Variants in ALPL observed in about 807,000 individuals in gnomAD.
ALPL encodes the protein alkaline phosphatase, biomineralization associated, also known as alkaline phosphatase, tissue-nonspecific isozyme.
A neutral mutation model predicts 51.3 loss-of-function variants in ALPL; 42 were observed. That is an observed-to-expected ratio of 0.82 (90% CI 0.64 to 1.06). The LOEUF (loss-of-function observed/expected upper bound fraction) is 1.06, where lower values mean the gene tolerates loss of function less well. Ranked by LOEUF, ALPL falls within the 50% of genes least tolerant of loss-of-function variation. The pLI, the probability that ALPL is intolerant of heterozygous loss-of-function variation, is 0.00. For missense variants in ALPL, 589 were observed against 709.4 expected (o/e 0.83, Z 1.93); for synonymous variants, 279 against 296.4 (o/e 0.94, Z 0.60).
intron 1 of ALPL, among the ~76,000 whole-genome samples, chr1:21,528,454 TCTC>T (rs1643982492): frequency 1.3e-5 from 2 of 150,762 alleles, no homozygotes; most frequent in African/African-American, 4.9e-5. Context: ...TTCAAGCAAT[TCTC>T]CTGCCTCAGC....
intron 10 of ALPL, among the ~76,000 whole-genome samples, chr1:21,576,157 T>C (rs1002354173): frequency 1.3e-5 from 2 of 151,732 alleles, no homozygotes; most frequent in Non-Finnish European, 2.9e-5. Context: ...ACGTTGACCA[T>C]GGCTGGGCGA....
chr1:21,572,563 G>A (rs1192560026), intron 8 of ALPL, among the ~76,000 whole-genome samples: 1 of 152,200 alleles, frequency 6.6e-6, no homozygotes. Flanking sequence ...AGGGGGCAGG[G>A]GTTATTGGGC....
At chr1:21,519,415 C>T (rs560470295) in intron 1 of ALPL, among the ~76,000 whole-genome samples, 6 of 152,214 alleles carry the variant, frequency 3.9e-5, no homozygotes, top group African/African-American at 1.2e-4. Context: ...CGTCTTTGCC[C>T]GTGGAAAGTG....
At chr1:21,558,631 TG>T (rs1644444171) in intron 2 of ALPL, among the ~76,000 whole-genome samples, 1 of 152,194 alleles carries the variant, frequency 6.6e-6, no homozygotes, top group African/African-American at 2.4e-5. Context: ...CAGTGGGGAC[TG>T]CGTGGGGACA....
chr1:21,550,803 C>T (rs1382213743), intron 1 of ALPL, among the ~76,000 whole-genome samples: 2 of 152,176 alleles, frequency 1.3e-5, no homozygotes, highest in Non-Finnish European at 2.9e-5. Context: ...TTGGGTTTAG[C>T]TTCCTTTGCT....
At chr1:21,558,298 C>T (rs1268208072) in intron 2 of ALPL, among the ~76,000 whole-genome samples, 1 of 152,194 alleles carries the variant, frequency 6.6e-6, no homozygotes, top group Non-Finnish European at 1.5e-5. Flanking sequence ...AGCCCTGGGA[C>T]CTCCAAGCTG....
At chr1:21,525,131 C>G (rs1643925190) in intron 1 of ALPL, among the ~76,000 whole-genome samples, 1 of 152,250 alleles carries the variant, frequency 6.6e-6, no homozygotes, top group Admixed American at 6.5e-5. Context: ...AATCCCTGGG[C>G]TGGCCTGCCT....
intron 1 of ALPL, among the ~76,000 whole-genome samples, chr1:21,551,691 C>T (rs1463423882): frequency 1.4e-5 from 2 of 146,732 alleles, no homozygotes; most frequent in African/African-American, 5.0e-5. Flanking sequence ...AGAGCCGTCA[C>T]TTCTGGCACT....
chr1:21,519,101 C>T (rs76870025), intron 1 of ALPL, among the ~76,000 whole-genome samples: 5,245 of 152,308 alleles, frequency 0.034, 122 homozygotes, highest in Non-Finnish European at 0.036. Flanking sequence ...CCCAGCCTTG[C>T]TGAGGGAGAC....
rs141383802 is a variant in ALPL, at chr1:21,559,059, G to A, written c.62-1567G>A. 1.6e-3 allele frequency among the ~76,000 whole-genome samples: 246 copies of A among 152,254 alleles called. 1 individual carries two copies. The highest frequency in any genetic ancestry group is 5.7e-3 in the African/African-American group (237 of 41,554). Reference sequence around the variant, plus strand: ...GGAAGGAGGGCTGTTCTTTACCCACGGCCACTCCGAGAGCCAGGCACGCGT... The same window carrying A: ...GGAAGGAGGGCTGTTCTTTACCCACAGCCACTCCGAGAGCCAGGCACGCGT... On this transcript the variant is annotated intron_variant, in intron 2 of 11. Coordinates refer to ENST00000374840, the MANE Select transcript of ALPL (RefSeq NM_000478.6).
intron 1 of ALPL, among the ~76,000 whole-genome samples, chr1:21,511,119 C>T (rs777712410): frequency 6.6e-6 from 1 of 152,162 alleles, no homozygotes; most frequent in Non-Finnish European, 1.5e-5. Context: ...TTCTAGGTGC[C>T]GGGAATGCCA....
chr1:21,515,398 AC>A (rs2148055557), intron 1 of ALPL, among the ~76,000 whole-genome samples: 1 of 152,032 alleles, frequency 6.6e-6, no homozygotes, highest in South Asian at 2.1e-4. Context: ...CTACCAGGTG[AC>A]CCTTTTTTAG....
chr1:21,577,901 G>A lies in ALPL; in HGVS notation c.*253G>A. The A allele has an allele frequency of 1.7e-6, 1 of 596,416 alleles. No individual in the cohort carries two copies. The highest frequency in any genetic ancestry group is 2.8e-5 in the East Asian group (1 of 36,026). The allele number at this position is 596,416 out of a possible 1,614,324, so 36.9% of individuals were successfully genotyped here. A position where few individuals can be genotyped will look rare whatever the true frequency, so the allele number is the denominator to read the frequency against. ...GGCCAACAGGGTAGATTTCTCTTGGGCAGGCAGAGAGTACAGACTGCAGAC... is the reference window on the plus strand; with the variant it reads ...GGCCAACAGGGTAGATTTCTCTTGGACAGGCAGAGAGTACAGACTGCAGAC... On this transcript the variant is annotated 3_prime_UTR_variant, in exon 12 of 12. Transcript: ENST00000374840.
chr1:21,531,370 G>T (rs1644028687), intron 1 of ALPL, among the ~76,000 whole-genome samples: 1 of 152,210 alleles, frequency 6.6e-6, no homozygotes, highest in African/African-American at 2.4e-5. Context: ...TGGAATTATG[G>T]CCCAGCCCAT....
At position 21,554,067 on chromosome 1, in the gene ALPL, G is replaced by T. The variant is rs781172426; in HGVS notation, c.-15G>T. 1.9e-6 allele frequency: 3 copies of T among 1,612,362 alleles called. No individual in the cohort carries two copies. The highest frequency in any genetic ancestry group is 3.3e-5 in the Admixed American group (2 of 59,968). ...TCTCTGGGCTCCAGGGATAAAGCAG[G>T]TCTTGGGGTGCACCATGATTTCACC... On this transcript the variant is annotated 5_prime_UTR_variant, in exon 2 of 12. Transcript: ENST00000374840.
At chr1:21,576,476 C>T (rs1345436807) in intron 10 of ALPL, 46 bp from the exon 11 acceptor site, 1 of 1,607,656 alleles carries the variant, frequency 6.2e-7, no homozygotes, top group Non-Finnish European at 8.5e-7. Flanking sequence ...GGGGACTGTA[C>T]TCCTGGGGCC....
chr1:21,515,593 C>T (rs1232829526), intron 1 of ALPL, among the ~76,000 whole-genome samples: 2 of 152,094 alleles, frequency 1.3e-5, no homozygotes, highest in African/African-American at 4.8e-5. Flanking sequence ...TTTGCCATGT[C>T]GGCCAGGTTG....
chr1:21,555,488 C>G (rs1223522842), intron 2 of ALPL, among the ~76,000 whole-genome samples: 1 of 152,218 alleles, frequency 6.6e-6, no homozygotes, highest in Non-Finnish European at 1.5e-5. Flanking sequence ...GTGATCTCAG[C>G]TCACTGCAAC....
chr1:21,554,149 T>C lies in ALPL; in HGVS notation c.61+7T>C, dbSNP rs1490832970. The C allele has an allele frequency of 7.4e-6, 12 of 1,613,604 alleles. No individual in the cohort carries two copies. Among genetic ancestry groups the C allele is most frequent in the Admixed American group, 1.7e-5 (1 of 59,986 alleles). ...ACTAACTCCTTAGTGCCAGGTATGC[T>C]TGGGGACACAGGTGGAGGCATAAAA... On this transcript the variant is annotated splice_region_variant and intron_variant, in intron 2 of 11. Coordinates refer to ENST00000374840, the MANE Select transcript of ALPL (RefSeq NM_000478.6).
Sources: allele counts gnomAD v4.1 joint callset (sites outside exome capture counted in the v4.1 genomes callset), GRCh38; gene constraint gnomAD v4.1.1; transcripts MANE v1.5; gene names NCBI Gene and HGNC (gene_info 2026-07-23, HGNC 2026-07-21).